Variants in SOCS1 observed in about 807,000 individuals in gnomAD.
SOCS1 encodes the protein JAK binding protein.
SOCS1 carries 3 observed loss-of-function variants against 9.7 expected under a neutral mutation model. That is an observed-to-expected ratio of 0.31 (90% CI 0.14 to 0.80). The LOEUF (loss-of-function observed/expected upper bound fraction) is 0.80. Ranked by LOEUF, SOCS1 falls within the 30% of genes least tolerant of loss-of-function variation. SOCS1 has a pLI of 0.61. For missense variants in SOCS1, 368 were observed against 324.7 expected (o/e 1.13, Z -1.02); for synonymous variants, 194 against 150.2 (o/e 1.29, Z -2.13).
At position 11,255,020 on chromosome 16, in the gene SOCS1, G is replaced by C; in HGVS notation, c.459C>G (p.His153Gln). The C allele has an allele frequency of 6.3e-7, 1 of 1,598,708 alleles. No homozygotes were observed. Among genetic ancestry groups the C allele is most frequent in the South Asian group, 1.1e-5 (1 of 89,570 alleles). Reference protein sequence around the residue: ...SFDCLFELLEHYVAAPRRMLG... With the variant: ...SFDCLFELLEQYVAAPRRMLG... ...GCATGCGGCGCGGCGCCGCCACGTAGTGCTCCAGCAGCTCGAAGAGGCAGT... is the reference window on the plus strand; with the variant it reads ...GCATGCGGCGCGGCGCCGCCACGTACTGCTCCAGCAGCTCGAAGAGGCAGT... Residue 153 changes from histidine (H) to glutamine (Q), a missense_variant, in exon 2 of 2, where the codon CAC (histidine) becomes CAG (glutamine). His to Gln is a conservative substitution (Grantham distance 24, BLOSUM62 0). Coordinates refer to ENST00000332029, the MANE Select transcript of SOCS1 (RefSeq NM_003745.2).
Sources: gnomAD v4.1 joint callset for allele counts on GRCh38, gnomAD v4.1.1 for gene constraint, MANE v1.5 for transcripts, NCBI Gene and HGNC (gene_info 2026-07-23, HGNC 2026-07-21) for gene names.